The following FOXN4 variants were observed in gnomAD, a reference collection of about 807,000 sequenced individuals.
FOXN4 encodes forkhead box N4.
A neutral mutation model predicts 45.0 loss-of-function variants in FOXN4; 12 were observed. The observed-to-expected ratio is 0.27, with a 90% confidence interval of 0.17 to 0.43. The LOEUF is 0.43. Among genes scored for constraint, FOXN4 ranks in the 20% least tolerant of loss-of-function variants. FOXN4 has a pLI of 1.00. For missense variants in FOXN4, 560 were observed against 694.9 expected, an observed-to-expected ratio of 0.81 and a Z score of 2.18; for synonymous variants, 297 against 295.0, an observed-to-expected ratio of 1.01 and a Z score of -0.07.
intron 8 of FOXN4, among the ~76,000 whole-genome samples, chr12:109,282,818 G>C (rs1004071841): frequency 6.6e-6 from 1 of 152,244 alleles, no homozygotes; most frequent in East Asian, 1.9e-4. Flanking sequence ...GATCTATTTG[G>C]GTTGTACCCA....
chr12:109,304,747 T>C (rs1306481476), intron 2 of FOXN4, among the ~76,000 whole-genome samples: 1 of 152,190 alleles, frequency 6.6e-6, no homozygotes, highest in Non-Finnish European at 1.5e-5. Flanking sequence ...ACCCACAGCC[T>C]AAGTGGTCCT....
intron 2 of FOXN4, among the ~76,000 whole-genome samples, chr12:109,306,595 A>G (rs953833389): frequency 6.6e-6 from 1 of 152,232 alleles, no homozygotes; most frequent in Non-Finnish European, 1.5e-5. Context: ...TATGATACAT[A>G]TATCATTTAA....
At chr12:109,289,230 G>A (rs1427060481) in intron 3 of FOXN4, among the ~76,000 whole-genome samples, 1 of 152,202 alleles carries the variant, frequency 6.6e-6, no homozygotes, top group African/African-American at 2.4e-5. Flanking sequence ...TAGATCAGGG[G>A]TTGGCAAACT....
chr12:109,292,925 G>C (rs1247560416), intron 2 of FOXN4, among the ~76,000 whole-genome samples: 3 of 152,150 alleles, frequency 2.0e-5, no homozygotes, highest in Non-Finnish European at 4.4e-5. Context: ...GTTGGGCTGA[G>C]TCAATGGCAC....
At chr12:109,292,056 G>A (rs1437433333) in intron 2 of FOXN4, among the ~76,000 whole-genome samples, 3 of 152,196 alleles carry the variant, frequency 2.0e-5, no homozygotes, top group Non-Finnish European at 4.4e-5. Flanking sequence ...GGGAGACCAC[G>A]GGGTGAGGTG....
intron 9 of FOXN4, among the ~76,000 whole-genome samples, chr12:109,280,637 G>C (rs1460294627): frequency 5.3e-5 from 8 of 152,296 alleles, no homozygotes; most frequent in Admixed American, 3.3e-4. Flanking sequence ...AAGAGGCAGG[G>C]AGGTGCAAAT....
chr12:109,288,258 G>A lies in FOXN4; in HGVS notation c.233-78C>T. ...ACCAGGAACAGCCCAGTGCCCAGGT[G>A]TCTCCGGAGAACGGAGCCAGCCCCT... On this transcript the variant is annotated intron_variant, in intron 3 of 9. Transcript: ENST00000299162. The surrounding 1 kb of genome is among the most constrained non-coding windows in gnomAD (Gnocchi z 4.3). The A allele has an allele frequency of 4.0e-6, 6 of 1,500,272 alleles. No homozygotes were observed. Among genetic ancestry groups the A allele is most frequent in the Non-Finnish European group, 3.5e-6 (4 of 1,131,882 alleles). 92.9% of individuals were successfully genotyped at this position (1,500,272 alleles called of 1,614,324 possible). A position where few individuals can be genotyped will look rare whatever the true frequency, so the allele number is the denominator to read the frequency against.
At chr12:109,280,342 C>CAAA (rs34879457) in intron 9 of FOXN4, among the ~76,000 whole-genome samples, 51 of 53,476 alleles carry the variant, frequency 9.5e-4, no homozygotes, top group South Asian at 3.3e-3. Context: ...GACTCCACCT[C>CAAA]AAAAAAAAAA....
intron 2 of FOXN4, among the ~76,000 whole-genome samples, chr12:109,300,366 C>T (rs940726483): frequency 6.6e-6 from 1 of 152,152 alleles, no homozygotes; most frequent in Non-Finnish European, 1.5e-5. Context: ...TCCTGCCAAC[C>T]CCCTAGGTCC....
In FOXN4 at chr12:109,291,456, G is replaced by A. The variant is rs2047767630; in HGVS notation, c.87-1170C>T. Reference sequence around the variant, plus strand: ...AGCCTCATAGATTGAGGGGCAGAGAGAGGCGGGACACCGACCCATCCTGCC... The same window carrying A: ...AGCCTCATAGATTGAGGGGCAGAGAAAGGCGGGACACCGACCCATCCTGCC... On this transcript the variant is annotated intron_variant, in intron 2 of 9. Transcript: ENST00000299162. This position sits in a 1 kb window ranked among gnomAD's most constrained non-coding sequence, Gnocchi z 6.6. Among the ~76,000 whole-genome samples the A allele has an allele frequency of 6.6e-6, 1 of 152,010 alleles. No individual in the cohort carries two copies. The highest frequency in any genetic ancestry group is 1.5e-5 in the Non-Finnish European group (1 of 67,988).
At chr12:109,281,963 C>T (rs1290230629) in intron 8 of FOXN4, among the ~76,000 whole-genome samples, 164 bp from the exon 9 acceptor site, 1 of 152,242 alleles carries the variant, frequency 6.6e-6, no homozygotes, top group Non-Finnish European at 1.5e-5. Context: ...CAGGCATCAT[C>T]TCATCTCACA....
intron 6 of FOXN4, 48 bp from the exon 7 acceptor site, chr12:109,286,792 G>C: frequency 6.4e-7 from 1 of 1,565,772 alleles, no homozygotes; most frequent in Non-Finnish European, 8.6e-7. Flanking sequence ...GACAGGGCAG[G>C]CCAGGCATGA....
chr12:109,286,609 AG>A, intron 7 of FOXN4, 38 bp downstream of exon 7: 1 of 1,571,766 alleles, frequency 6.4e-7, no homozygotes. Context: ...GGAAGAGACC[AG>A]GGCAGCTCCA....
chr12:109,281,391 A>G lies in FOXN4; in HGVS notation c.1294+16T>C. The G allele has an allele frequency of 1.2e-6, 2 of 1,612,600 alleles. No individual in the cohort carries two copies. Among genetic ancestry groups the G allele is most frequent in the Non-Finnish European group, 1.7e-6 (2 of 1,179,162 alleles). On this transcript the variant is annotated intron_variant, in intron 9 of 9. Transcript: ENST00000299162. Reference sequence around the variant, plus strand: ...CTCCCCATTCCATTCCCATCACTCCATTCCTCCAGCCTCACCCTGCAGAGC... The same window carrying G: ...CTCCCCATTCCATTCCCATCACTCCGTTCCTCCAGCCTCACCCTGCAGAGC...
At position 109,287,347 on chromosome 12, in the gene FOXN4, T is replaced by C. The variant is rs1490833658; in HGVS notation, c.596+50A>G. On this transcript the variant is annotated intron_variant, in intron 6 of 9. Transcript: ENST00000299162. The surrounding 1 kb of genome is among the most constrained non-coding windows in gnomAD (Gnocchi z 4.1). ...GATGCCCTGAGGGCAGCCTCATCCCTCTCTCCCGGAGCCGCCCTTGGCCCT... is the reference window on the plus strand; with the variant it reads ...GATGCCCTGAGGGCAGCCTCATCCCCCTCTCCCGGAGCCGCCCTTGGCCCT... 6.5e-7 allele frequency: 1 copy of C among 1,549,064 alleles called. No homozygotes were observed. Among genetic ancestry groups the C allele is most frequent in the Non-Finnish European group, 8.7e-7 (1 of 1,145,868 alleles).
At chr12:109,302,149 C>A (rs958270730) in intron 2 of FOXN4, among the ~76,000 whole-genome samples, 1 of 152,236 alleles carries the variant, frequency 6.6e-6, no homozygotes, top group Admixed American at 6.5e-5. Context: ...ATGTGTCTTA[C>A]ACCTCATTAC....
At chr12:109,308,371 T>C (rs1378879580) in intron 1 of FOXN4, 47 bp from the exon 2 acceptor site, 1 of 1,369,256 alleles carries the variant, frequency 7.3e-7, no homozygotes, top group Non-Finnish European at 1.0e-6. Flanking sequence ...AGCGACGATA[T>C]GGACAGGGCA....
intron 2 of FOXN4, among the ~76,000 whole-genome samples, chr12:109,301,698 A>G (rs1007796224): frequency 6.6e-6 from 1 of 152,104 alleles, no homozygotes; most frequent in Non-Finnish European, 1.5e-5. Context: ...GTGGGTGTCC[A>G]CAGAATACTT....
At chr12:109,292,158 C>T (rs924871921) in intron 2 of FOXN4, among the ~76,000 whole-genome samples, 5 of 152,200 alleles carry the variant, frequency 3.3e-5, no homozygotes, top group African/African-American at 7.2e-5. Context: ...AACCTCCCGG[C>T]GCCTGGTGGT....
Sources: gnomAD v4.1 joint callset for allele counts (sites outside exome capture counted in the v4.1 genomes callset) on GRCh38, gnomAD v4.1.1 for gene constraint, Gnocchi (gnomAD v3.1) non-coding constraint, MANE v1.5 for transcripts, NCBI Gene and HGNC (gene_info 2026-07-23, HGNC 2026-07-21) for gene names.